The following PALLD variants were observed in gnomAD, a reference collection of about 807,000 sequenced individuals.
The protein encoded by PALLD is palladin.
In PALLD, 61 loss-of-function variants were observed where a neutral mutation model predicts 123.5. That is an observed-to-expected ratio of 0.49 (90% CI 0.40 to 0.61). The LOEUF (loss-of-function observed/expected upper bound fraction) is 0.61. PALLD is among the 20% of genes least tolerant of loss of function. The probability of loss-of-function intolerance (pLI) is 0.00; values close to 1 mark genes in which losing one functional copy is unlikely to be tolerated. For missense variants in PALLD, 1,273 were observed against 1,377.0 expected (o/e 0.92, Z 1.20); for synonymous variants, 465 against 496.4 (o/e 0.94, Z 0.84).
rs542751266 is a variant in PALLD, at chr4:168,914,738, G to A, written c.2717+717G>A. Among the ~76,000 whole-genome samples, 8 of 152,324 alleles carry A rather than the reference G, an allele frequency of 5.3e-5. No homozygotes were observed. The South Asian group carries it at 1.7e-3, about 32-fold the overall frequency. Reference sequence around the variant, plus strand: ...ACAGAATATCCTCAAATAGTCCTGAGTCTAAATTACAGGCCATAGGTGCAA... The same window carrying A: ...ACAGAATATCCTCAAATAGTCCTGAATCTAAATTACAGGCCATAGGTGCAA... On this transcript the variant is annotated intron_variant, in intron 16 of 21. Transcript: ENST00000505667.
At chr4:168,520,345 A>AGAG (rs1554034674) in intron 2 of PALLD, among the ~76,000 whole-genome samples, 881 of 41,662 alleles carry the variant, frequency 0.021, 8 homozygotes, top group African/African-American at 0.11. Flanking sequence ...AAAAAAAAAA[A>AGAG]AAAGAGAGAG....
intron 2 of PALLD, among the ~76,000 whole-genome samples, chr4:168,573,866 G>A (rs1312790854): frequency 1.3e-5 from 2 of 151,682 alleles, no homozygotes; most frequent in African/African-American, 2.4e-5. Flanking sequence ...TGATCACTAT[G>A]TTCATTTATC....
At position 168,511,897 on chromosome 4, in the gene PALLD, C is replaced by T; in HGVS notation, c.393C>T (p.Pro131=). Residue 131 remains proline (P), a synonymous_variant, in exon 2 of 22, where the codon CCC becomes CCT. Transcript: ENST00000505667. The part of the protein sequence containing the change: ...KPAMSPLLTR[P]SYIRSLRKAE... Reference sequence around the variant, plus strand: ...CCATGTCACCCCTGCTCACCAGGCCCAGCTACATCCGGAGCCTCCGAAAGG... The same window carrying T: ...CCATGTCACCCCTGCTCACCAGGCCTAGCTACATCCGGAGCCTCCGAAAGG... 1 of 1,614,156 alleles carries T rather than the reference C, an allele frequency of 6.2e-7. No individual in the cohort carries two copies. The highest frequency in any genetic ancestry group is 8.5e-7 in the Non-Finnish European group (1 of 1,180,022).
chr4:168,763,256 A>G (rs1248226148), intron 10 of PALLD, among the ~76,000 whole-genome samples: 10 of 152,212 alleles, frequency 6.6e-5, no homozygotes, highest in Non-Finnish European at 1.2e-4. Context: ...TAATCTATGA[A>G]ATTATTTCAG....
chr4:168,926,163 T>TA, intron 21 of PALLD, 50 bp from the exon 22 acceptor site: 1 of 1,395,458 alleles, frequency 7.2e-7, no homozygotes. Context: ...TCTAAAGGCT[T>TA]TCCAAGTATA....
At chr4:168,861,903 C>T (rs906429118) in intron 10 of PALLD, among the ~76,000 whole-genome samples, 3 of 151,888 alleles carry the variant, frequency 2.0e-5, no homozygotes, top group African/African-American at 4.8e-5. Flanking sequence ...TGATCCTCCC[C>T]CTTCGGCCTC....
intron 10 of PALLD, among the ~76,000 whole-genome samples, chr4:168,862,305 T>C (rs1352924310): frequency 8.8e-6 from 1 of 113,352 alleles, no homozygotes; most frequent in African/African-American, 2.5e-5. Context: ...CCATCACACC[T>C]GGCTAATTTT....
intron 10 of PALLD, among the ~76,000 whole-genome samples, chr4:168,760,212 CCCT>C (rs1347250061): frequency 8.5e-5 from 13 of 152,048 alleles, no homozygotes; most frequent in African/African-American, 3.1e-4. Context: ...ACAGACTCTG[CCCT>C]CCTCATCTTG....
rs191896044 is a variant in PALLD at position 168,759,405 on chromosome 4, A to T, written c.1964+47482A>T. Among the ~76,000 whole-genome samples, 778 of 151,588 alleles carry T rather than the reference A, an allele frequency of 5.1e-3. 8 individuals are homozygous for T. Among genetic ancestry groups the T allele is most frequent in the African/African-American group, 0.018 (745 of 41,296 alleles). On this transcript the variant is annotated intron_variant, in intron 10 of 21. Coordinates refer to ENST00000505667, the MANE Select transcript of PALLD (RefSeq NM_001166108.2). ...CCTTTATTTATAAAATATGAATTCA[A>T]CTTGCTCTACTTGGCAGGAAGGTAC...
chr4:168,744,974 G>A (rs902846656), intron 10 of PALLD, among the ~76,000 whole-genome samples: 46 of 152,074 alleles, frequency 3.0e-4, no homozygotes, highest in African/African-American at 1.1e-3. Context: ...TGAGTTTATT[G>A]GGCCATAACC....
chr4:168,888,709 T>G (rs1367667588), intron 10 of PALLD, among the ~76,000 whole-genome samples: 3 of 152,042 alleles, frequency 2.0e-5, no homozygotes, highest in Non-Finnish European at 2.9e-5. Context: ...AACTAATCAC[T>G]CTCGAGGGGA....
intron 10 of PALLD, among the ~76,000 whole-genome samples, chr4:168,823,416 C>T (rs4235021): frequency 0.3 from 45,096 of 152,010 alleles, 7,625 homozygotes; most frequent in Non-Finnish European, 0.4. Flanking sequence ...TAGTTCACGC[C>T]TAGAGTCCCA....
chr4:168,513,206 T>G (rs1762689548), intron 2 of PALLD, among the ~76,000 whole-genome samples: 1 of 152,132 alleles, frequency 6.6e-6, no homozygotes, highest in African/African-American at 2.4e-5. Flanking sequence ...TTCAATGTGA[T>G]GCAAAGAAGG....
intron 9 of PALLD, among the ~76,000 whole-genome samples, chr4:168,709,592 G>A (rs79907424): frequency 7.8e-4 from 2 of 2,562 alleles, no homozygotes; most frequent in Non-Finnish European, 3.8e-3. Flanking sequence ...GGAAGGAAGG[G>A]AGGGAGGGAG....
chr4:168,766,065 G>A (rs941814721), intron 10 of PALLD, among the ~76,000 whole-genome samples: 33 of 152,228 alleles, frequency 2.2e-4, no homozygotes, highest in African/African-American at 8.0e-4. Flanking sequence ...CTGGTTGGCA[G>A]AGTAAGGACC....
chr4:168,539,974 C>T (rs1351533055), intron 2 of PALLD, among the ~76,000 whole-genome samples: 1 of 152,018 alleles, frequency 6.6e-6, no homozygotes, highest in Non-Finnish European at 1.5e-5. Flanking sequence ...CCTCCCTCCC[C>T]CTTCTAGTAA....
chr4:168,854,870 G>C (rs1477902851), intron 10 of PALLD, among the ~76,000 whole-genome samples: 1 of 152,202 alleles, frequency 6.6e-6, no homozygotes. Flanking sequence ...CAGGAGGGAA[G>C]CAACCCAGGT....
At chr4:168,618,295 A>G (rs1016580188) in intron 2 of PALLD, among the ~76,000 whole-genome samples, 2 of 152,244 alleles carry the variant, frequency 1.3e-5, no homozygotes, top group African/African-American at 4.8e-5. Flanking sequence ...TGGAATTTAT[A>G]AAGAACTATA....
intron 10 of PALLD, among the ~76,000 whole-genome samples, chr4:168,764,049 T>G (rs2150459883): frequency 6.6e-6 from 1 of 152,198 alleles, no homozygotes; most frequent in Middle Eastern, 3.2e-3. Context: ...CTTGTGGATA[T>G]CAGAGTGCCA....
Sources: allele counts gnomAD v4.1 joint callset (sites outside exome capture counted in the v4.1 genomes callset), GRCh38; gene constraint gnomAD v4.1.1; transcripts MANE v1.5; gene names NCBI Gene and HGNC (gene_info 2026-07-23, HGNC 2026-07-21).